Variants in SUMF1 observed in about 807,000 individuals in gnomAD.
SUMF1 encodes the protein sulfatase modifying factor 1, also known as formylglycine-generating enzyme.
A neutral mutation model predicts 47.6 loss-of-function variants in SUMF1; 48 were observed. That is an observed-to-expected ratio of 1.01 (90% CI 0.80 to 1.28). The LOEUF (loss-of-function observed/expected upper bound fraction) is 1.28, where lower values mean the gene tolerates loss of function less well. Ranked by LOEUF, SUMF1 falls within the 50% of genes most tolerant of loss-of-function variation. SUMF1 has a pLI of 0.00. For synonymous variants in SUMF1, 230 were observed against 192.1 expected, an observed-to-expected ratio of 1.20 and a Z score of -1.63; for missense variants, 571 against 485.4, an observed-to-expected ratio of 1.18 and a Z score of -1.66.
chr3:4,280,814 C>CGTGTGTGTGTG (rs1697512471), intron 8 of SUMF1, among the ~76,000 whole-genome samples: 7 of 138,126 alleles, frequency 5.1e-5, no homozygotes, highest in Non-Finnish European at 3.1e-5. Flanking sequence ...TGGCATTCAC[C>CGTGTGTGTGTG]GTGTGTGTGT....
chr3:4,155,269 A>C (rs1431282824), intron 8 of SUMF1, among the ~76,000 whole-genome samples: 1 of 151,144 alleles, frequency 6.6e-6, no homozygotes, highest in Non-Finnish European at 1.5e-5. Flanking sequence ...AATGACATGA[A>C]ACAGGTATGG....
intron 8 of SUMF1, among the ~76,000 whole-genome samples, chr3:4,311,395 G>A (rs1374148448): frequency 6.6e-6 from 1 of 152,170 alleles, no homozygotes; most frequent in Non-Finnish European, 1.5e-5. Context: ...CCAATGAAAG[G>A]CCGTGCAACT....
At chr3:4,270,828 T>C (rs1252152798) in intron 8 of SUMF1, among the ~76,000 whole-genome samples, 1 of 152,186 alleles carries the variant, frequency 6.6e-6, no homozygotes, top group Non-Finnish European at 1.5e-5. Flanking sequence ...TTTCACTTTG[T>C]TAGGAACTTC....
At chr3:4,182,014 G>A (rs1236259259) in intron 8 of SUMF1, among the ~76,000 whole-genome samples, 1 of 152,148 alleles carries the variant, frequency 6.6e-6, no homozygotes, top group South Asian at 2.1e-4. Flanking sequence ...GTTTGTTATA[G>A]TTCGATTTGT....
intron 8 of SUMF1, among the ~76,000 whole-genome samples, chr3:4,222,193 A>C (rs1696081779): frequency 6.6e-6 from 1 of 152,026 alleles, no homozygotes; most frequent in African/African-American, 2.4e-5. Context: ...TTTTTCTTTT[A>C]GGCTTTTTAA....
At chr3:4,360,416 C>T (rs1472602161), downstream of SUMF1, among the ~76,000 whole-genome samples, 1 of 152,006 alleles carries the variant, frequency 6.6e-6, no homozygotes, top group Non-Finnish European at 1.5e-5. Flanking sequence ...CAACCTCCGC[C>T]TTCCAGGTTC....
chr3:4,075,244 CAT>C (rs1692395222), intron 8 of SUMF1, among the ~76,000 whole-genome samples: 1 of 152,128 alleles, frequency 6.6e-6, no homozygotes, highest in South Asian at 2.1e-4. Flanking sequence ...ACAAAAACCA[CAT>C]GATTATCTCA....
chr3:4,214,528 C>G (rs146306352), intron 8 of SUMF1, among the ~76,000 whole-genome samples: 1 of 151,930 alleles, frequency 6.6e-6, no homozygotes, highest in East Asian at 1.9e-4. Flanking sequence ...AATTCAAAAG[C>G]GAGCAGAAGA....
chr3:4,414,748 A>G (rs1381383833), intron 6 of SUMF1: 1 of 152,222 alleles, frequency 6.6e-6, no homozygotes, highest in Non-Finnish European at 1.5e-5. Context: ...CTTATTTCAT[A>G]TTGAACATTG....
At chr3:4,193,060 T>C (rs1236555929) in intron 8 of SUMF1, among the ~76,000 whole-genome samples, 2 of 152,076 alleles carry the variant, frequency 1.3e-5, no homozygotes, top group African/African-American at 4.8e-5. Flanking sequence ...AGTCCAGATA[T>C]GAAGCCATAT....
chr3:4,048,368 C>A (rs544391660), intron 9 of SUMF1, among the ~76,000 whole-genome samples: 1 of 152,120 alleles, frequency 6.6e-6, no homozygotes, highest in South Asian at 2.1e-4. Context: ...TACAACTACC[C>A]TGAGAAAAAT....
At chr3:4,101,490 G>A (rs890482192) in intron 8 of SUMF1, among the ~76,000 whole-genome samples, 2 of 152,112 alleles carry the variant, frequency 1.3e-5, no homozygotes, top group South Asian at 4.2e-4. Context: ...AGATCTGGGG[G>A]TGGAGAAGAT....
chr3:4,234,522 G>A (rs183970058), intron 8 of SUMF1, among the ~76,000 whole-genome samples: 7 of 152,140 alleles, frequency 4.6e-5, no homozygotes, highest in Non-Finnish European at 8.8e-5. Flanking sequence ...CAACTAACAT[G>A]TATATGACTG....
chr3:4,233,611 T>G (rs1696348014), intron 8 of SUMF1, among the ~76,000 whole-genome samples: 1 of 152,116 alleles, frequency 6.6e-6, no homozygotes, highest in African/African-American at 2.4e-5. Context: ...AAATAAAGTA[T>G]TCAATTTAGA....
intron 8 of SUMF1, among the ~76,000 whole-genome samples, chr3:4,349,812 C>T (rs73018301): frequency 2.0e-5 from 3 of 151,856 alleles, no homozygotes; most frequent in African/African-American, 4.8e-5. Flanking sequence ...GAGAGGGGAA[C>T]AACACACACC....
At chr3:4,340,780 T>C (rs1699256246) in intron 8 of SUMF1, among the ~76,000 whole-genome samples, 1 of 152,170 alleles carries the variant, frequency 6.6e-6, no homozygotes, top group Non-Finnish European at 1.5e-5. Context: ...CTCATGCAGC[T>C]GAATGTGTGT....
chr3:4,272,381 T>C (rs1697322280), intron 8 of SUMF1, among the ~76,000 whole-genome samples: 1 of 152,196 alleles, frequency 6.6e-6, no homozygotes, highest in Non-Finnish European at 1.5e-5. Flanking sequence ...TCGGAATTGT[T>C]CTGAGTTGGG....
intron 8 of SUMF1, among the ~76,000 whole-genome samples, chr3:4,108,947 G>T (rs1693223450): frequency 6.6e-6 from 1 of 152,020 alleles, no homozygotes; most frequent in Non-Finnish European, 1.5e-5. Flanking sequence ...ATTGTTATGT[G>T]TGAATTTGAT....
At chr3:4,214,881 T>C (rs1339674181) in intron 8 of SUMF1, among the ~76,000 whole-genome samples, 3 of 151,996 alleles carry the variant, frequency 2.0e-5, no homozygotes, top group Non-Finnish European at 4.4e-5. Flanking sequence ...CAATAACAAG[T>C]TCTAAAATTG....
Sources: gnomAD v4.1 joint callset for allele counts (sites outside exome capture counted in the v4.1 genomes callset) on GRCh38, gnomAD v4.1.1 for gene constraint, MANE v1.5 for transcripts, NCBI Gene and HGNC (gene_info 2026-07-23, HGNC 2026-07-21) for gene names.